The following CPEB2 variants were observed in gnomAD, a reference collection of about 807,000 sequenced individuals.
CPEB2 encodes cytoplasmic polyadenylation element-binding protein 2.
CPEB2 carries 56 observed loss-of-function variants against 93.6 expected under a neutral mutation model. The observed-to-expected ratio is 0.60, with a 90% CI of 0.48 to 0.75. The LOEUF (loss-of-function observed/expected upper bound fraction) is 0.75, where lower values mean the gene tolerates loss of function less well. CPEB2 is among the 30% of genes least tolerant of loss of function. CPEB2 has a pLI of 0.00. For synonymous variants in CPEB2, 764 were observed against 586.3 expected, an observed-to-expected ratio of 1.30 and a Z score of -4.38; for missense variants, 1,579 against 1,395.1, an observed-to-expected ratio of 1.13 and a Z score of -2.10.
At chr4:15,036,201 C>T (rs1008606130) in intron 5 of CPEB2, among the ~76,000 whole-genome samples, 4 of 152,040 alleles carry the variant, frequency 2.6e-5, no homozygotes, top group Admixed American at 2.0e-4. Flanking sequence ...ACAATAAATA[C>T]CTGTATATCT....
At chr4:15,012,024 T>C (rs1723559652) in intron 3 of CPEB2, among the ~76,000 whole-genome samples, 1 of 152,288 alleles carries the variant, frequency 6.6e-6, no homozygotes, top group South Asian at 2.1e-4. Context: ...TCAGAAAAAA[T>C]ATTATTTGAA....
rs1286770343 is a variant in CPEB2 at position 15,068,431 on chromosome 4, T to G, written c.*2051T>G. On this transcript the variant is annotated 3_prime_UTR_variant, in exon 12 of 12. Transcript: ENST00000538197. ...TTCTAACCTTAACCCTGCCAAACCTTGATCCATTTTGACATTTGTTATGCA... is the reference window on the plus strand; with the variant it reads ...TTCTAACCTTAACCCTGCCAAACCTGGATCCATTTTGACATTTGTTATGCA... The G allele has an allele frequency of 6.6e-6, 1 of 152,332 alleles. No homozygotes were observed. The highest frequency in any genetic ancestry group is 1.5e-5 in the Non-Finnish European group (1 of 67,854). 9.4% of individuals were successfully genotyped at this position (152,332 alleles called of 1,614,324 possible). A position where few individuals can be genotyped will look rare whatever the true frequency, so the allele number is the denominator to read the frequency against.
intron 4 of CPEB2, among the ~76,000 whole-genome samples, chr4:15,024,041 T>G (rs565761228): frequency 1.3e-5 from 2 of 152,278 alleles, no homozygotes; most frequent in Non-Finnish European, 2.9e-5. Flanking sequence ...TTATCTTTTT[T>G]AGTTTATTTG....
intron 9 of CPEB2, 110 bp from the exon 10 acceptor site, chr4:15,059,077 A>G (rs1423795327): frequency 5.2e-6 from 3 of 576,144 alleles, no homozygotes; most frequent in South Asian, 2.7e-5. Flanking sequence ...AGATCCCACT[A>G]TACAAATTTT....
chr4:15,004,376 G>T (rs926906088), intron 1 of CPEB2, 41 bp downstream of exon 1: 2 of 1,370,364 alleles, frequency 1.5e-6, no homozygotes, highest in Non-Finnish European at 1.9e-6. Flanking sequence ...GGGACCGGGA[G>T]ACCATGGGCG....
intron 5 of CPEB2, among the ~76,000 whole-genome samples, chr4:15,036,810 CT>C (rs1336971273): frequency 6.6e-6 from 1 of 152,060 alleles, no homozygotes; most frequent in Non-Finnish European, 1.5e-5. Flanking sequence ...GCTTACTGTA[CT>C]TTTTGAGAGG....
intron 5 of CPEB2, among the ~76,000 whole-genome samples, 193 bp downstream of exon 5, chr4:15,033,404 A>G (rs1233581461): frequency 6.6e-6 from 1 of 152,210 alleles, no homozygotes; most frequent in East Asian, 1.9e-4. Flanking sequence ...GCCATTTGTA[A>G]CAGTATGACT....
chr4:15,029,361 C>A (rs1020224481), intron 4 of CPEB2, among the ~76,000 whole-genome samples: 1 of 151,884 alleles, frequency 6.6e-6, no homozygotes, highest in Non-Finnish European at 1.5e-5. Flanking sequence ...TATTTAAAAT[C>A]GTAATAGACG....
At chr4:15,022,119 CTG>C (rs1435505299) in intron 4 of CPEB2, among the ~76,000 whole-genome samples, 1 of 152,122 alleles carries the variant, frequency 6.6e-6, no homozygotes, top group Non-Finnish European at 1.5e-5. Flanking sequence ...GACACTGAGA[CTG>C]TGTCAACCAT....
intron 9 of CPEB2, among the ~76,000 whole-genome samples, chr4:15,058,771 G>T (rs1047396228): frequency 6.6e-6 from 1 of 152,148 alleles, no homozygotes; most frequent in Admixed American, 6.5e-5. Context: ...TGGCAGGCAA[G>T]CCAGCATTAC....
intron 10 of CPEB2, among the ~76,000 whole-genome samples, 171 bp from the exon 11 acceptor site, chr4:15,061,908 A>T (rs1339128012): frequency 6.7e-6 from 1 of 150,328 alleles, no homozygotes; most frequent in African/African-American, 2.5e-5. Context: ...TTATAGTTTA[A>T]AAAAAGCATC....
At position 15,002,492 on chromosome 4, in the gene CPEB2, G is replaced by A. The variant is rs907775850; in HGVS notation, c.-182G>A. 6.6e-6 allele frequency among the ~76,000 whole-genome samples: 1 copy of A among 151,758 alleles called. No homozygotes were observed. The highest frequency in any genetic ancestry group is 2.4e-5 in the African/African-American group (1 of 41,326). Reference sequence around the variant, plus strand: ...CGGCTACGGCGACTGCGACGGCGGCGGCGGCGGCGATCGCCGCGAGGGGTG... The same window carrying A: ...CGGCTACGGCGACTGCGACGGCGGCAGCGGCGGCGATCGCCGCGAGGGGTG... On this transcript the variant is annotated 5_prime_UTR_variant, in exon 1 of 12. Coordinates refer to ENST00000538197, the MANE Select transcript of CPEB2 (RefSeq NM_001177382.2).
Position 15,003,607 on chromosome 4 carries a change from G to A in CPEB2, c.934G>A (p.Gly312Ser). The change falls in exon 1 of 12, where the codon GGC (glycine) becomes AGC (serine). Residue 312 changes from glycine to serine, a missense_variant. Physicochemically the swap from Gly to Ser is moderately conservative, Grantham distance 56. Coordinates refer to ENST00000538197, the MANE Select transcript of CPEB2 (RefSeq NM_001177382.2). The stretch of plus-strand genomic sequence containing the variant: ...CTCGACGCCGGTGAACCCCGCGCCG[G>A]GCTCCATGGAGTCCCCCAACCACCC... ...ASSTPVNPAP[G>S]SMESPNHPLL... The A allele has an allele frequency of 1.4e-6, 2 of 1,477,544 alleles. No individual in the cohort carries two copies. The highest frequency in any genetic ancestry group is 1.8e-6 in the Non-Finnish European group (2 of 1,118,520). 91.5% of individuals were successfully genotyped at this position (1,477,544 alleles called of 1,614,324 possible). A position where few individuals can be genotyped will look rare whatever the true frequency, so the allele number is the denominator to read the frequency against.
In CPEB2 at chr4:15,003,908, C is replaced by T; in HGVS notation, c.1235C>T (p.Pro412Leu). 2.1e-6 allele frequency: 2 copies of T among 967,004 alleles called. No homozygotes were observed. The highest frequency in any genetic ancestry group is 2.7e-6 in the Non-Finnish European group (2 of 745,194). 59.9% of individuals were successfully genotyped at this position (967,004 alleles called of 1,614,324 possible). ...CAGCAGCCGCCGCCACCCCAGCAGC[C>T]GCCCCAGCCGCAGCCGCAGCCGCCC... ...PQQQPPPPQQ[P>L]PQPQPQPPGS... Residue 412 changes from proline to leucine, a missense_variant, in exon 1 of 12, where the codon CCG becomes CTG. Pro to Leu is a moderately conservative substitution (Grantham distance 98). This residue lies in a region of CPEB2 where 1,411 missense variants were observed against 1,056.0 expected (regional missense o/e 1.34). Transcript: ENST00000538197.
At position 15,004,016 on chromosome 4, in the gene CPEB2, G is replaced by A. The variant is rs745896063; in HGVS notation, c.1343G>A (p.Gly448Asp). ...CCGCCCAGCCCCGACTCAGAGAACGGCTTCTACCCCGGGCTGCCGTCGTCC... is the reference window on the plus strand; with the variant it reads ...CCGCCCAGCCCCGACTCAGAGAACGACTTCTACCCCGGGCTGCCGTCGTCC... ...MPPPSPDSEN[G>D]FYPGLPSSMN... Residue 448 changes from glycine to aspartate, a missense_variant, in exon 1 of 12, where the codon GGC becomes GAC. By Grantham distance (94) the Gly-to-Asp change is moderately conservative (BLOSUM62 -1). This residue lies in a region of CPEB2 where 1,411 missense variants were observed against 1,056.0 expected (regional missense o/e 1.34). Transcript: ENST00000538197. The A allele has an allele frequency of 1.3e-6, 2 of 1,557,048 alleles. No homozygotes were observed. Among genetic ancestry groups the A allele is most frequent in the Non-Finnish European group, 8.7e-7 (1 of 1,154,592 alleles).
At chr4:15,060,744 T>C (rs1729118201) in intron 10 of CPEB2, among the ~76,000 whole-genome samples, 1 of 152,140 alleles carries the variant, frequency 6.6e-6, no homozygotes, top group South Asian at 2.1e-4. Flanking sequence ...TTTATGGTGG[T>C]ATCTGGTGTA....
intron 2 of CPEB2, 59 bp downstream of exon 2, chr4:15,007,645 GGGTGGT>G: frequency 8.6e-7 from 1 of 1,163,798 alleles, no homozygotes; most frequent in Non-Finnish European, 1.2e-6. Context: ...ATAGGGAGTT[GGGTGGT>G]GGTGGTAGTG....
intron 6 of CPEB2, among the ~76,000 whole-genome samples, chr4:15,047,641 T>G (rs1352437378): frequency 1.3e-5 from 2 of 152,090 alleles, no homozygotes; most frequent in African/African-American, 4.8e-5. Context: ...CTAGTTTGAT[T>G]TCTTCGAATT....
At position 15,021,453 on chromosome 4, in the gene CPEB2, G is replaced by C. The variant is rs145318882; in HGVS notation, c.2125+4175G>C. 2.6e-5 allele frequency among the ~76,000 whole-genome samples: 4 copies of C among 152,170 alleles called. No individual in the cohort carries two copies. The East Asian group carries it at 7.7e-4, about 29-fold the overall frequency. On this transcript the variant is annotated intron_variant, in intron 4 of 11. Transcript: ENST00000538197. Reference sequence around the variant, plus strand: ...TATTCCCCCTTTAACAAAAGAACAAGACAGTGATTATTGTTAAGCTCTTTT... The same window carrying C: ...TATTCCCCCTTTAACAAAAGAACAACACAGTGATTATTGTTAAGCTCTTTT...
Sources: allele counts gnomAD v4.1 joint callset (sites outside exome capture counted in the v4.1 genomes callset), GRCh38; gene constraint gnomAD v4.1.1; regional missense constraint gnomAD v4.1.1; transcripts MANE v1.5; gene names NCBI Gene and HGNC (gene_info 2026-07-23, HGNC 2026-07-21).